Variants in DIP2C observed in about 807,000 individuals in gnomAD.
The protein encoded by DIP2C is DIP2 acetate--CoA ligase C (putative), also known as disco-interacting protein 2 homolog C.
Under a neutral mutation model 192.4 loss-of-function variants are expected in DIP2C, and 33 were observed. That is an observed-to-expected ratio of 0.17 (90% CI 0.13 to 0.23). DIP2C has a LOEUF of 0.23. Among genes scored for constraint, DIP2C ranks in the 10% least tolerant of loss-of-function variants. The pLI is 1.00. For missense variants in DIP2C, 1,537 were observed against 2,110.1 expected (o/e 0.73, Z 5.32); for synonymous variants, 979 against 864.1 (o/e 1.13, Z -2.33).
At chr10:523,688 CTG>C (rs770007491) in intron 1 of DIP2C, among the ~76,000 whole-genome samples, 42 of 97,612 alleles carry the variant, frequency 4.3e-4, no homozygotes, top group Middle Eastern at 4.8e-3. Flanking sequence ...TGCAGGGACT[CTG>C]TGTCACCCAC....
At chr10:541,495 C>G (rs1216558501) in intron 1 of DIP2C, among the ~76,000 whole-genome samples, 1 of 144,012 alleles carries the variant, frequency 6.9e-6, no homozygotes, top group Admixed American at 6.9e-5. Context: ...TCTCCTGGAT[C>G]CCACAGCATG....
chr10:628,367 C>G (rs147802326), intron 1 of DIP2C, among the ~76,000 whole-genome samples: 8 of 152,322 alleles, frequency 5.3e-5, no homozygotes, highest in African/African-American at 1.9e-4. Context: ...GTTTACATAT[C>G]CAATTACTTA....
intron 2 of DIP2C, among the ~76,000 whole-genome samples, chr10:483,852 T>C (rs1242465154): frequency 6.6e-6 from 1 of 152,214 alleles, no homozygotes; most frequent in African/African-American, 2.4e-5. Flanking sequence ...GGTCTCGCTC[T>C]GTCCCCCAGG....
In DIP2C at chr10:689,070, G is replaced by A. The variant is rs1337156469; in HGVS notation, c.85+424C>T. Among the ~76,000 whole-genome samples the A allele has an allele frequency of 6.6e-6, 1 of 152,172 alleles. No homozygotes were observed. The highest frequency in any genetic ancestry group is 6.5e-5 in the Admixed American group (1 of 15,286). The stretch of plus-strand genomic sequence containing the variant: ...CCAAGGACGCCGCGGCTCCAGCGCA[G>A]AGCGCACGGGAAGGCCGATCCCGCC... On this transcript the variant is annotated intron_variant, in intron 1 of 36. Coordinates refer to ENST00000280886, the MANE Select transcript of DIP2C (RefSeq NM_014974.3). This position sits in a 1 kb window ranked among gnomAD's most constrained non-coding sequence, Gnocchi z 6.1.
intron 3 of DIP2C, among the ~76,000 whole-genome samples, chr10:442,030 GAAT>G (rs1024912810): frequency 6.6e-6 from 1 of 150,534 alleles, no homozygotes; most frequent in African/African-American, 2.4e-5. Flanking sequence ...CACAAAATCA[GAAT>G]AACAGGCTTC....
At chr10:570,766 C>T (rs1849744400) in intron 1 of DIP2C, among the ~76,000 whole-genome samples, 1 of 152,258 alleles carries the variant, frequency 6.6e-6, no homozygotes, top group Non-Finnish European at 1.5e-5. Context: ...CAGCACACTA[C>T]CTTGCATGAG....
intron 1 of DIP2C, among the ~76,000 whole-genome samples, chr10:660,753 T>C (rs1856706021): frequency 6.6e-6 from 1 of 152,216 alleles, no homozygotes; most frequent in African/African-American, 2.4e-5. Flanking sequence ...AACATTCTCC[T>C]AGCATCAAGA....
chr10:607,208 G>A (rs533356651), intron 1 of DIP2C, among the ~76,000 whole-genome samples: 60 of 152,284 alleles, frequency 3.9e-4, no homozygotes, highest in Non-Finnish European at 8.1e-4. Flanking sequence ...AAGGCCTAAA[G>A]CCTCGAAGAC....
chr10:590,830 C>A (rs1851358267), intron 1 of DIP2C, among the ~76,000 whole-genome samples: 1 of 152,068 alleles, frequency 6.6e-6, no homozygotes, highest in African/African-American at 2.4e-5. Flanking sequence ...GTCTCCACCG[C>A]ACCAGAGCCT....
At chr10:595,648 A>G (rs1851657393) in intron 1 of DIP2C, among the ~76,000 whole-genome samples, 1 of 152,164 alleles carries the variant, frequency 6.6e-6, no homozygotes, top group African/African-American at 2.4e-5. Flanking sequence ...ACACAGGGAC[A>G]TCGGTTCCAG....
chr10:618,443 C>T (rs946440819), intron 1 of DIP2C, among the ~76,000 whole-genome samples: 14 of 152,316 alleles, frequency 9.2e-5, no homozygotes, highest in African/African-American at 3.4e-4. Flanking sequence ...CTGACCTGCC[C>T]ACATTTCTCA....
At position 429,602 on chromosome 10, in the gene DIP2C, T is replaced by C. The variant is rs368113471; in HGVS notation, c.395-6569A>G. 3.2e-4 allele frequency among the ~76,000 whole-genome samples: 48 copies of C among 149,168 alleles called. No homozygotes were observed. The South Asian group carries it at 8.0e-3, about 25-fold the overall frequency. ...GATCTTTTTACTGTCTCCATAGTCT[T>C]GCCTTTCCCAGGACGTCACATAGCT... is the stretch of plus-strand genomic sequence containing the variant. On this transcript the variant is annotated intron_variant, in intron 4 of 36. Coordinates refer to ENST00000280886, the MANE Select transcript of DIP2C (RefSeq NM_014974.3).
At chr10:339,630 G>A (rs1051935715) in intron 29 of DIP2C, among the ~76,000 whole-genome samples, 1 of 152,122 alleles carries the variant, frequency 6.6e-6, no homozygotes, top group African/African-American at 2.4e-5. Context: ...GTTCAGAACA[G>A]ACCTCTGCCG....
intron 29 of DIP2C, among the ~76,000 whole-genome samples, chr10:335,798 G>A (rs145522019): frequency 6.6e-6 from 1 of 152,322 alleles, no homozygotes; most frequent in African/African-American, 2.4e-5. Flanking sequence ...TTCGTGGATG[G>A]CTACTATAGA....
rs1853520281 is a variant in DIP2C at position 617,106 on chromosome 10, C to G, written c.85+72388G>C. 2.0e-5 allele frequency among the ~76,000 whole-genome samples: 3 copies of G among 152,150 alleles called. No homozygotes were observed. In the South Asian group the frequency reaches 6.2e-4, roughly 31 times the overall value. On this transcript the variant is annotated intron_variant, in intron 1 of 36. Transcript: ENST00000280886. ...TCACAGGCCCAGAGGTGCCCCCACA[C>G]CCAGACCCCATGCAGACCTCCCAGG... is the stretch of plus-strand genomic sequence containing the variant.
At position 579,880 on chromosome 10, in the gene DIP2C, T is replaced by C. The variant is rs553902767; in HGVS notation, c.86-93350A>G. Among the ~76,000 whole-genome samples the C allele has an allele frequency of 7.2e-5, 11 of 151,730 alleles. No homozygotes were observed. In the East Asian group the frequency reaches 2.1e-3, roughly 29 times the overall value. The stretch of plus-strand genomic sequence containing the variant: ...ACATGCATATGTACACTATAACACA[T>C]GTACATGCATCTAGCACACAATCTA... On this transcript the variant is annotated intron_variant, in intron 1 of 36. Coordinates refer to ENST00000280886, the MANE Select transcript of DIP2C (RefSeq NM_014974.3).
chr10:582,354 C>A (rs982469564), intron 1 of DIP2C, among the ~76,000 whole-genome samples: 14 of 152,224 alleles, frequency 9.2e-5, no homozygotes, highest in African/African-American at 1.7e-4. Context: ...TCCGTAAAAA[C>A]CCACCGTACA....
chr10:461,585 T>C (rs982373077), intron 3 of DIP2C, among the ~76,000 whole-genome samples: 3 of 152,270 alleles, frequency 2.0e-5, no homozygotes, highest in East Asian at 3.9e-4. Flanking sequence ...ACAGTAACAG[T>C]GGGAGGCTTT....
chr10:317,176 G>A (rs1956811200), intron 31 of DIP2C, among the ~76,000 whole-genome samples: 1 of 152,234 alleles, frequency 6.6e-6, no homozygotes, highest in Non-Finnish European at 1.5e-5. Flanking sequence ...TGATGCAGGT[G>A]ACAAACTGTC....
Sources: gnomAD v4.1 joint callset for allele counts (sites outside exome capture counted in the v4.1 genomes callset) on GRCh38, gnomAD v4.1.1 for gene constraint, Gnocchi (gnomAD v3.1) non-coding constraint, MANE v1.5 for transcripts, NCBI Gene and HGNC (gene_info 2026-07-23, HGNC 2026-07-21) for gene names.